MCTP1: variants seen among roughly 807,000 people sequenced by gnomAD.
MCTP1 encodes the protein multiple C2 and transmembrane domain-containing protein 1.
A neutral mutation model predicts 120.6 loss-of-function variants in MCTP1; 69 were observed. That is an observed-to-expected ratio of 0.57 (90% confidence interval 0.47 to 0.70). MCTP1 has a LOEUF of 0.70. MCTP1 is among the 30% of genes least tolerant of loss of function. The pLI is 0.00. For missense variants in MCTP1, 1,203 were observed against 1,248.8 expected (o/e 0.96, Z 0.55); for synonymous variants, 529 against 493.1 (o/e 1.07, Z -0.96).
At chr5:95,010,950 G>A (rs1186248492) in intron 2 of MCTP1, among the ~76,000 whole-genome samples, 1 of 152,100 alleles carries the variant, frequency 6.6e-6, no homozygotes, top group African/African-American at 2.4e-5. Flanking sequence ...GAGTTTGCCT[G>A]ATGTTTTCTC....
intron 1 of MCTP1, among the ~76,000 whole-genome samples, chr5:95,144,391 C>G (rs532753053): frequency 4.1e-4 from 63 of 152,236 alleles, no homozygotes; most frequent in Non-Finnish European, 6.6e-4. Context: ...TTTGGGTGTG[C>G]AAATGCTGTT....
At chr5:95,127,689 C>A (rs765701719) in intron 1 of MCTP1, among the ~76,000 whole-genome samples, 1 of 152,114 alleles carries the variant, frequency 6.6e-6, no homozygotes, top group Non-Finnish European at 1.5e-5. Context: ...AAACATCCAA[C>A]GAGAGTGAGT....
chr5:95,277,940 C>G (rs1759983431), intron 1 of MCTP1, among the ~76,000 whole-genome samples: 1 of 151,982 alleles, frequency 6.6e-6, no homozygotes, highest in Non-Finnish European at 1.5e-5. Context: ...ATACAGTTTT[C>G]CATATTGCAA....
intron 6 of MCTP1, among the ~76,000 whole-genome samples, chr5:94,930,267 A>ATTTTTT (rs869306266): frequency 2.1e-4 from 21 of 100,926 alleles, no homozygotes; most frequent in South Asian, 3.6e-4. Context: ...TTAAAGAAGA[A>ATTTTTT]TTTTTTTTTT....
chr5:95,219,336 C>T (rs990899477), intron 1 of MCTP1, among the ~76,000 whole-genome samples: 1 of 147,154 alleles, frequency 6.8e-6, no homozygotes, highest in Non-Finnish European at 1.5e-5. Context: ...GAGCCAAGAT[C>T]GCGTCACTGC....
At chr5:94,835,171 A>G (rs1164276694) in intron 17 of MCTP1, among the ~76,000 whole-genome samples, 1 of 152,126 alleles carries the variant, frequency 6.6e-6, no homozygotes, top group Non-Finnish European at 1.5e-5. Flanking sequence ...GCTTAGATTT[A>G]AGGGTTTGAG....
At chr5:94,880,100 TTATGC>T in intron 12 of MCTP1, among the ~76,000 whole-genome samples, 1 of 152,042 alleles carries the variant, frequency 6.6e-6, no homozygotes, top group East Asian at 1.9e-4. Flanking sequence ...CGTGAGAAAA[TTATGC>T]CTAAGCTTTT....
chr5:95,000,988 G>A (rs1175063039), intron 2 of MCTP1, among the ~76,000 whole-genome samples: 2 of 152,200 alleles, frequency 1.3e-5, no homozygotes, highest in Admixed American at 6.5e-5. Flanking sequence ...AATCATGGAA[G>A]GGTGGGAGAT....
At chr5:95,163,066 T>G (rs899217705) in intron 1 of MCTP1, among the ~76,000 whole-genome samples, 2 of 152,240 alleles carry the variant, frequency 1.3e-5, no homozygotes, top group Non-Finnish European at 2.9e-5. Context: ...CATCAAAATT[T>G]GTCTTCTTTG....
At chr5:95,244,126 A>G (rs1756481996) in intron 1 of MCTP1, among the ~76,000 whole-genome samples, 1 of 152,214 alleles carries the variant, frequency 6.6e-6, no homozygotes, top group Admixed American at 6.5e-5. Flanking sequence ...TATTAAATGT[A>G]ATAGGTTGCT....
intron 1 of MCTP1, among the ~76,000 whole-genome samples, chr5:95,100,843 G>C (rs1280701562): frequency 6.6e-6 from 1 of 152,132 alleles, no homozygotes; most frequent in Non-Finnish European, 1.5e-5. Flanking sequence ...GAAGACCAAG[G>C]ACTAAAACTG....
chr5:94,745,271 G>A (rs1766606703), intron 19 of MCTP1, among the ~76,000 whole-genome samples: 1 of 152,200 alleles, frequency 6.6e-6, no homozygotes, highest in Admixed American at 6.5e-5. Context: ...GTTCTGGGTG[G>A]AGATTCCATA....
chr5:95,026,523 T>C (rs991599740), intron 1 of MCTP1, among the ~76,000 whole-genome samples: 4 of 152,186 alleles, frequency 2.6e-5, no homozygotes, highest in Admixed American at 2.6e-4. Flanking sequence ...CTCCCACAAG[T>C]AAGTGAGACC....
At position 94,805,403 on chromosome 5, in the gene MCTP1, G is replaced by C. The variant is rs111722067; in HGVS notation, c.2437-6271C>G. ...ATACTTTGGGAGGCTGATGCAGGAG[G>C]ATTGCTTGAGGCCAGGAGTTCAAGA... On this transcript the variant is annotated intron_variant, in intron 17 of 22. Coordinates refer to ENST00000515393, the MANE Select transcript of MCTP1 (RefSeq NM_024717.7). Among the ~76,000 whole-genome samples, 309 of 152,278 alleles carry C rather than the reference G, an allele frequency of 2.0e-3. 2 individuals carry two copies. The highest frequency in any genetic ancestry group is 7.2e-3 in the African/African-American group (301 of 41,564).
intron 6 of MCTP1, among the ~76,000 whole-genome samples, chr5:94,924,561 T>C (rs1409989377): frequency 2.0e-5 from 3 of 152,192 alleles, no homozygotes; most frequent in African/African-American, 7.2e-5. Flanking sequence ...TAAAAAGGAA[T>C]GAATACTGAG....
chr5:95,166,490 T>C (rs1746374237), intron 1 of MCTP1, among the ~76,000 whole-genome samples: 1 of 152,170 alleles, frequency 6.6e-6, no homozygotes, highest in South Asian at 2.1e-4. Context: ...CCATAATTCA[T>C]ATTACTTTTT....
At chr5:95,198,939 T>C (rs1750693256) in intron 1 of MCTP1, among the ~76,000 whole-genome samples, 1 of 152,224 alleles carries the variant, frequency 6.6e-6, no homozygotes, top group Admixed American at 6.5e-5. Flanking sequence ...TTTTACTCTG[T>C]ATTGATTTGT....
At chr5:95,237,259 C>A (rs893512975) in intron 1 of MCTP1, among the ~76,000 whole-genome samples, 4 of 152,162 alleles carry the variant, frequency 2.6e-5, no homozygotes, top group South Asian at 2.1e-4. Context: ...CCAGAACCAG[C>A]AGGCACCATG....
intron 1 of MCTP1, among the ~76,000 whole-genome samples, chr5:95,130,305 T>G (rs1214478345): frequency 6.6e-6 from 1 of 152,140 alleles, no homozygotes; most frequent in Non-Finnish European, 1.5e-5. Context: ...CTGGAATCTT[T>G]GAGGTAAATG....
Sources: allele counts gnomAD v4.1 joint callset (sites outside exome capture counted in the v4.1 genomes callset), GRCh38; gene constraint gnomAD v4.1.1; transcripts MANE v1.5; gene names NCBI Gene and HGNC (gene_info 2026-07-23, HGNC 2026-07-21).